SYT16: variants seen among roughly 807,000 people sequenced by gnomAD.
SYT16 encodes synaptotagmin-16.
SYT16 carries 42 observed loss-of-function variants against 61.4 expected under a neutral mutation model. That is an observed-to-expected ratio of 0.68 (90% confidence interval 0.53 to 0.89). SYT16 has a LOEUF of 0.89. SYT16 is among the 40% of genes least tolerant of loss of function. The pLI, the probability that SYT16 is intolerant of heterozygous loss-of-function variation, is 0.00. For synonymous variants in SYT16, 314 were observed against 302.3 expected (o/e 1.04, Z -0.40); for missense variants, 804 against 807.3 (o/e 1.00, Z 0.05).
At chr14:61,983,714 T>TG (rs1050087655) in intron 2 of SYT16, among the ~76,000 whole-genome samples, 40 of 152,108 alleles carry the variant, frequency 2.6e-4, no homozygotes, top group African/African-American at 5.5e-4. Flanking sequence ...TTTCTAGAGA[T>TG]GGGGGGTCTC....
chr14:62,033,102 C>T (rs950245808), intron 3 of SYT16, among the ~76,000 whole-genome samples: 6 of 151,462 alleles, frequency 4.0e-5, no homozygotes, highest in African/African-American at 1.5e-4. Flanking sequence ...AGAAAAAATA[C>T]AATATAGAAA....
chr14:61,812,315 A>C (rs1352673377), upstream of SYT16: 1 of 152,424 alleles, frequency 6.6e-6, no homozygotes, highest in African/African-American at 2.4e-5. Context: ...ATGGGGTCCC[A>C]ACCCCGCTGG....
At chr14:61,972,995 C>T (rs1053212485) in intron 2 of SYT16, among the ~76,000 whole-genome samples, 4 of 152,082 alleles carry the variant, frequency 2.6e-5, no homozygotes. Context: ...AAAAATGCGA[C>T]CATCCTACTC....
chr14:61,880,141 A>ATAC (rs1187624477), intron 1 of SYT16, among the ~76,000 whole-genome samples: 1 of 152,244 alleles, frequency 6.6e-6, no homozygotes, highest in Admixed American at 6.5e-5. Context: ...TGCCACAGAT[A>ATAC]TACTGGGCAT....
intron 1 of SYT16, among the ~76,000 whole-genome samples, chr14:61,823,919 G>A (rs899008523): frequency 2.2e-4 from 33 of 152,200 alleles, no homozygotes; most frequent in Non-Finnish European, 2.2e-4. Flanking sequence ...TTGGTTAATG[G>A]AAAGTACTGA....
At chr14:61,984,189 T>G (rs946460179) in intron 2 of SYT16, among the ~76,000 whole-genome samples, 2 of 152,202 alleles carry the variant, frequency 1.3e-5, no homozygotes, top group Admixed American at 1.3e-4. Flanking sequence ...AATTAATGCC[T>G]ATTAAAGCTA....
chr14:62,008,144 T>G (rs2140686567), intron 3 of SYT16, among the ~76,000 whole-genome samples: 1 of 152,234 alleles, frequency 6.6e-6, no homozygotes, highest in Non-Finnish European at 1.5e-5. Context: ...TATTATCCTC[T>G]TCTTCCCTCT....
intron 1 of SYT16, among the ~76,000 whole-genome samples, chr14:61,830,332 G>A (rs867332765): frequency 2.6e-5 from 4 of 152,282 alleles, no homozygotes; most frequent in African/African-American, 4.8e-5. Context: ...ATTACATAAT[G>A]AGATTCTGGT....
chr14:62,097,454 T>C (rs1160351002), intron 7 of SYT16, among the ~76,000 whole-genome samples: 2 of 152,220 alleles, frequency 1.3e-5, no homozygotes, highest in Non-Finnish European at 1.5e-5. Flanking sequence ...CCATTCAGTC[T>C]GACTGGTGTT....
At chr14:62,098,847 G>A (rs1016571097) in intron 7 of SYT16, among the ~76,000 whole-genome samples, 3 of 152,188 alleles carry the variant, frequency 2.0e-5, no homozygotes, top group African/African-American at 7.2e-5. Context: ...ATCTGAACTG[G>A]TGGGAGTGAG....
At chr14:61,896,727 A>G (rs1222425869) in intron 1 of SYT16, among the ~76,000 whole-genome samples, 1 of 152,204 alleles carries the variant, frequency 6.6e-6, no homozygotes, top group African/African-American at 2.4e-5. Flanking sequence ...TGAATATATA[A>G]TAGTGTTTTC....
At chr14:62,035,860 A>T (rs1465507715) in intron 3 of SYT16, among the ~76,000 whole-genome samples, 2 of 152,174 alleles carry the variant, frequency 1.3e-5, no homozygotes, top group African/African-American at 4.8e-5. Flanking sequence ...TCCATGTTAG[A>T]TGCTCTTAGA....
chr14:62,075,392 G>C lies in SYT16; in HGVS notation c.993+1G>C. On this transcript the variant is annotated splice_donor_variant, in intron 5 of 7. Transcript: ENST00000683842. LOFTEE classifies it high-confidence loss of function. Reference sequence around the variant, plus strand: ...CAGCTCCTCCATGTGGAGTCCAGAGGCAAGTTATTTGTTTTTCATTCTTTC... The same window carrying C: ...CAGCTCCTCCATGTGGAGTCCAGAGCCAAGTTATTTGTTTTTCATTCTTTC... 1 of 1,595,984 alleles carries C rather than the reference G, an allele frequency of 6.3e-7. No homozygotes were observed. Among genetic ancestry groups the C allele is most frequent in the South Asian group, 1.1e-5 (1 of 90,124 alleles).
chr14:61,840,506 A>G (rs1583947), intron 1 of SYT16, among the ~76,000 whole-genome samples: 13,622 of 152,274 alleles, frequency 0.089, 641 homozygotes, highest in Non-Finnish European at 0.1. Context: ...CAGAGTTGGG[A>G]GCAAAACCCA....
chr14:61,819,539 T>C (rs112629638), intron 1 of SYT16, among the ~76,000 whole-genome samples: 3 of 152,348 alleles, frequency 2.0e-5, no homozygotes, highest in African/African-American at 7.2e-5. Context: ...ATTTTAGGAA[T>C]ATAATAAGTC....
At chr14:62,056,033 C>CT (rs2055538898) in intron 3 of SYT16, among the ~76,000 whole-genome samples, 1 of 150,320 alleles carries the variant, frequency 6.7e-6, no homozygotes, top group Non-Finnish European at 1.5e-5. Context: ...AGCCAGTCTA[C>CT]TTTTTCCACG....
At chr14:62,026,958 GT>G (rs1211033269) in intron 3 of SYT16, among the ~76,000 whole-genome samples, 5 of 151,818 alleles carry the variant, frequency 3.3e-5, no homozygotes, top group Non-Finnish European at 7.4e-5. Flanking sequence ...GACTTAAAAT[GT>G]TTTTTTAATG....
At chr14:61,945,175 C>G (rs1283382470) in intron 1 of SYT16, among the ~76,000 whole-genome samples, 1 of 152,176 alleles carries the variant, frequency 6.6e-6, no homozygotes, top group Non-Finnish European at 1.5e-5. Flanking sequence ...CAAATCAAAA[C>G]CACGGTGAGA....
intron 1 of SYT16, among the ~76,000 whole-genome samples, chr14:61,914,604 T>A (rs953517591): frequency 7.4e-6 from 1 of 134,722 alleles, no homozygotes; most frequent in African/African-American, 2.5e-5. Context: ...ATCTGTTGGC[T>A]GAGGCCAAAA....
Sources: allele counts gnomAD v4.1 joint callset (sites outside exome capture counted in the v4.1 genomes callset), GRCh38; gene constraint gnomAD v4.1.1; transcripts MANE v1.5; gene names NCBI Gene and HGNC (gene_info 2026-07-23, HGNC 2026-07-21).